The following THADA variants were observed in gnomAD, a reference collection of about 807,000 sequenced individuals.
THADA encodes the protein tRNA (32-2'-O)-methyltransferase regulator THADA.
THADA carries 213 observed loss-of-function variants against 219.8 expected under a neutral mutation model. The ratio of observed to expected loss-of-function variants is 0.97; its 90% confidence interval spans 0.87 to 1.09. The LOEUF (loss-of-function observed/expected upper bound fraction) is 1.09, where lower values mean the gene tolerates loss of function less well. Among genes scored for constraint, THADA ranks in the 50% least tolerant of loss-of-function variants. THADA has a pLI of 0.00. For synonymous variants in THADA, 1,018 were observed against 828.9 expected, an observed-to-expected ratio of 1.23 and a Z score of -3.92; for missense variants, 2,956 against 2,311.3, an observed-to-expected ratio of 1.28 and a Z score of -5.72.
intron 26 of THADA, among the ~76,000 whole-genome samples, chr2:43,462,229 C>A (rs1558799053): frequency 1.3e-5 from 2 of 152,152 alleles, no homozygotes; most frequent in Admixed American, 6.5e-5. Context: ...CACCTGCTTT[C>A]CAAACCATGG....
intron 15 of THADA, among the ~76,000 whole-genome samples, chr2:43,561,645 A>G (rs1366833237): frequency 6.6e-6 from 1 of 152,248 alleles, no homozygotes; most frequent in East Asian, 1.9e-4. Context: ...GAACAACCCT[A>G]TGAAATTCCT....
In THADA at chr2:43,402,724, G is replaced by A. The variant is rs556865541; in HGVS notation, c.4059-4585C>T. On this transcript the variant is annotated intron_variant, in intron 28 of 37. Coordinates refer to ENST00000405975, the MANE Select transcript of THADA (RefSeq NM_022065.5). ...GGCCACAAGCAACCTACAGTCTAGTGTGGAAGACAGAAGAACCAGCCAATG... is the reference window on the plus strand; with the variant it reads ...GGCCACAAGCAACCTACAGTCTAGTATGGAAGACAGAAGAACCAGCCAATG... Among the ~76,000 whole-genome samples the A allele has an allele frequency of 1.2e-3, 188 of 152,324 alleles. 1 individual carries two copies. The highest frequency in any genetic ancestry group is 4.3e-3 in the African/African-American group (180 of 41,578).
chr2:43,574,889 A>G lies in THADA; in HGVS notation c.1176T>C (p.Leu392=). 1 of 1,613,984 alleles carries G rather than the reference A, an allele frequency of 6.2e-7. No individual in the cohort carries two copies. The highest frequency in any genetic ancestry group is 1.1e-5 in the South Asian group (1 of 91,088). ...LNGNSSIVGR[L]LEYVYTHWEH... ...CCCAATGGGTATAGACATATTCCAAAAGTCTCCCAACTATACTTGAATTCC... is the reference window on the plus strand; with the variant it reads ...CCCAATGGGTATAGACATATTCCAAGAGTCTCCCAACTATACTTGAATTCC... Residue 392 remains leucine, a synonymous_variant, in exon 11 of 38, where the codon CTT becomes CTC. Transcript: ENST00000405975.
intron 26 of THADA, among the ~76,000 whole-genome samples, chr2:43,476,579 C>A (rs1243916443): frequency 6.6e-6 from 1 of 152,114 alleles, no homozygotes; most frequent in Non-Finnish European, 1.5e-5. Flanking sequence ...TATTTCAAGC[C>A]TCTGGGTAAA....
intron 20 of THADA, among the ~76,000 whole-genome samples, chr2:43,547,011 G>A (rs1184720935): frequency 4.2e-4 from 64 of 152,076 alleles, no homozygotes; most frequent in South Asian, 3.5e-3. Context: ...GGCTGGTACC[G>A]GTTGTTCCTT....
At chr2:43,505,041 G>C (rs921468288) in intron 24 of THADA, among the ~76,000 whole-genome samples, 4 of 152,178 alleles carry the variant, frequency 2.6e-5, no homozygotes, top group African/African-American at 9.7e-5. Flanking sequence ...TATGTAGGTA[G>C]TGACTAAAAG....
chr2:43,517,470 T>G lies in THADA; in HGVS notation c.3375-8690A>C, dbSNP rs542213055. Among the ~76,000 whole-genome samples, 29 of 152,240 alleles carry G rather than the reference T, an allele frequency of 1.9e-4. No individual in the cohort carries two copies. In the South Asian group the frequency reaches 5.8e-3, roughly 30 times the overall value. On this transcript the variant is annotated intron_variant, in intron 22 of 37. Coordinates refer to ENST00000405975, the MANE Select transcript of THADA (RefSeq NM_022065.5). ...ATATCTTTATTTACCAAACAATAGTTTACTTACAAAGCACAAGAAGGAAGA... is the reference window on the plus strand; with the variant it reads ...ATATCTTTATTTACCAAACAATAGTGTACTTACAAAGCACAAGAAGGAAGA...
chr2:43,340,230 T>A (rs1666927072), intron 30 of THADA, among the ~76,000 whole-genome samples: 1 of 152,220 alleles, frequency 6.6e-6, no homozygotes, highest in African/African-American at 2.4e-5. Context: ...GGCTTTGACA[T>A]CCTGGAATGA....
intron 26 of THADA, among the ~76,000 whole-genome samples, chr2:43,454,843 C>A (rs1202145383): frequency 3.9e-5 from 6 of 152,170 alleles, no homozygotes; most frequent in Admixed American, 3.9e-4. Context: ...AGAAGCAAAT[C>A]ATATGCCCTC....
At chr2:43,591,083 G>A in intron 3 of THADA, 129 bp from the exon 4 acceptor site, 1 of 777,858 alleles carries the variant, frequency 1.3e-6, no homozygotes, top group Non-Finnish European at 2.0e-6. Flanking sequence ...CACTTTGGGA[G>A]GCTGAGGTGG....
chr2:43,289,649 G>C (rs540502595), intron 34 of THADA, among the ~76,000 whole-genome samples: 2 of 152,124 alleles, frequency 1.3e-5, no homozygotes, highest in Non-Finnish European at 2.9e-5. Context: ...TTTTTTGTTT[G>C]TTTGTTTGTT....
At chr2:43,355,886 T>C (rs1668820691) in intron 29 of THADA, among the ~76,000 whole-genome samples, 1 of 152,354 alleles carries the variant, frequency 6.6e-6, no homozygotes, top group East Asian at 1.9e-4. Flanking sequence ...GGATTCATTA[T>C]ATTATTTGTG....
Position 43,508,764 on chromosome 2 carries a change from G to C in THADA, c.3391C>G (p.Leu1131Val). ...EVLNRCPNVS[L>V]QKLPEQWLWS... The stretch of plus-strand genomic sequence containing the variant: ...AGCCACTGTTCTGGCAGCTTTTGCA[G>C]ACTCACATTTGGGCACCTAAAAGGC... Residue 1131 changes from leucine (L) to valine (V), a missense_variant, in exon 23 of 38, where the codon CTG (leucine) becomes GTG (valine). Transcript: ENST00000405975. 6.2e-7 allele frequency: 1 copy of C among 1,613,514 alleles called. No individual in the cohort carries two copies. Among genetic ancestry groups the C allele is most frequent in the Non-Finnish European group, 8.5e-7 (1 of 1,179,628 alleles).
chr2:43,256,906 A>G (rs931788024), intron 36 of THADA, among the ~76,000 whole-genome samples: 21 of 152,200 alleles, frequency 1.4e-4, no homozygotes, highest in African/African-American at 4.6e-4. Context: ...ATATTTTAAT[A>G]CAAACAAAAT....
intron 1 of THADA, among the ~76,000 whole-genome samples, chr2:43,593,754 C>G (rs1701838908): frequency 6.6e-6 from 1 of 151,924 alleles, no homozygotes; most frequent in Non-Finnish European, 1.5e-5. Context: ...CTGCCTCAGC[C>G]TCCCGAGTAG....
chr2:43,432,480 T>C (rs1371095765), intron 26 of THADA, among the ~76,000 whole-genome samples: 1 of 151,952 alleles, frequency 6.6e-6, no homozygotes, highest in Non-Finnish European at 1.5e-5. Context: ...TTTTTACTAT[T>C]ATGAATAAAG....
intron 25 of THADA, among the ~76,000 whole-genome samples, chr2:43,485,811 C>CT (rs576044139): frequency 1.4e-3 from 210 of 151,750 alleles, no homozygotes; most frequent in Non-Finnish European, 2.0e-3. Flanking sequence ...GGAAGGACTG[C>CT]TTGAGGCCAG....
intron 21 of THADA, among the ~76,000 whole-genome samples, chr2:43,530,491 T>C (rs1401424449): frequency 6.6e-6 from 1 of 152,212 alleles, no homozygotes; most frequent in Non-Finnish European, 1.5e-5. Context: ...AGTTAGCTTA[T>C]TTGTAATGAC....
At chr2:43,594,968 T>C (rs558108212) in intron 1 of THADA, among the ~76,000 whole-genome samples, 1 of 152,346 alleles carries the variant, frequency 6.6e-6, no homozygotes, top group South Asian at 2.1e-4. Context: ...ACTTGTAAAT[T>C]TGTATATTGT....
Sources: gnomAD v4.1 joint callset for allele counts (sites outside exome capture counted in the v4.1 genomes callset) on GRCh38, gnomAD v4.1.1 for gene constraint, MANE v1.5 for transcripts, NCBI Gene and HGNC (gene_info 2026-07-23, HGNC 2026-07-21) for gene names.